DROSHA: variants seen among roughly 807,000 people sequenced by gnomAD.
The protein encoded by DROSHA is ribonuclease 3.
Under a neutral mutation model 181.9 loss-of-function variants are expected in DROSHA, and 56 were observed. The observed-to-expected ratio is 0.31, with a 90% CI of 0.25 to 0.38. The LOEUF (loss-of-function observed/expected upper bound fraction) is 0.38. Ranked by LOEUF, DROSHA falls within the 10% of genes least tolerant of loss-of-function variation. DROSHA has a pLI of 1.00. For missense variants in DROSHA, 1,218 were observed against 1,743.5 expected (o/e 0.70, Z 5.37); for synonymous variants, 524 against 591.2 (o/e 0.89, Z 1.65).
chr5:31,406,995 T>C, intron 33 of DROSHA, 50 bp from the exon 34 acceptor site: 3 of 1,539,122 alleles, frequency 1.9e-6, no homozygotes, highest in Non-Finnish European at 1.8e-6. Context: ...TTATTTGTCA[T>C]GGTTACTATG....
chr5:31,468,104 C>A, intron 17 of DROSHA, 41 bp from the exon 18 acceptor site: 1 of 1,583,666 alleles, frequency 6.3e-7, no homozygotes, highest in South Asian at 1.1e-5. Flanking sequence ...CATAAGAAGT[C>A]TTTATGTATT....
intron 13 of DROSHA, among the ~76,000 whole-genome samples, chr5:31,490,951 G>A (rs1174041239): frequency 2.0e-5 from 3 of 151,832 alleles, no homozygotes; most frequent in Non-Finnish European, 4.4e-5. Flanking sequence ...CTGTCCTTTT[G>A]TTTTATAATG....
chr5:31,445,446 C>A (rs558780287), intron 23 of DROSHA, among the ~76,000 whole-genome samples: 1 of 152,146 alleles, frequency 6.6e-6, no homozygotes, highest in African/African-American at 2.4e-5. Flanking sequence ...CTTTCCAACT[C>A]GTTATATGAG....
At chr5:31,408,165 A>C (rs917996208) in intron 33 of DROSHA, among the ~76,000 whole-genome samples, 1 of 152,126 alleles carries the variant, frequency 6.6e-6, no homozygotes, top group African/African-American at 2.4e-5. Flanking sequence ...TGCCAGTCTA[A>C]TGTTTTTCCT....
intron 30 of DROSHA, 85 bp downstream of exon 30, chr5:31,421,187 A>T: frequency 9.7e-7 from 1 of 1,033,462 alleles, no homozygotes; most frequent in Non-Finnish European, 1.5e-6. Context: ...GTAAGAAATT[A>T]ATTACATAGA....
chr5:31,509,353 A>G (rs1738390156), intron 9 of DROSHA, among the ~76,000 whole-genome samples: 1 of 152,218 alleles, frequency 6.6e-6, no homozygotes, highest in Admixed American at 6.5e-5. Context: ...ATGTCAGATA[A>G]AATGAAAAAC....
chr5:31,509,698 C>G (rs1738436378), intron 9 of DROSHA, among the ~76,000 whole-genome samples: 1 of 152,110 alleles, frequency 6.6e-6, no homozygotes, highest in Admixed American at 6.6e-5. Flanking sequence ...TCTTTTCCCT[C>G]AATAACAGCA....
chr5:31,463,412 G>C (rs1323908103), intron 20 of DROSHA, among the ~76,000 whole-genome samples: 1 of 152,142 alleles, frequency 6.6e-6, no homozygotes, highest in Non-Finnish European at 1.5e-5. Context: ...ACTAAGAAGA[G>C]CTAAGAGTAA....
intron 18 of DROSHA, among the ~76,000 whole-genome samples, chr5:31,466,698 G>A (rs1004441096): frequency 2.0e-5 from 3 of 152,154 alleles, no homozygotes; most frequent in Non-Finnish European, 4.4e-5. Flanking sequence ...GTCAGTTGCT[G>A]AACTACTTAT....
chr5:31,460,870 A>G (rs1748327030), intron 20 of DROSHA, among the ~76,000 whole-genome samples: 1 of 152,100 alleles, frequency 6.6e-6, no homozygotes, highest in Admixed American at 6.5e-5. Flanking sequence ...AAGAAATTAA[A>G]TATCATTGTA....
At position 31,493,455 on chromosome 5, in the gene DROSHA, C is replaced by T. The variant is rs930157239; in HGVS notation, c.1756-162G>A. ...TTTAATTTTACATGAAATTATCCGG[C>T]TTCAGATAGTAAGTATAATATTTAC... On this transcript the variant is annotated intron_variant, in intron 12 of 35. Coordinates refer to ENST00000344624, the MANE Select transcript of DROSHA (RefSeq NM_001382508.1). Among the ~76,000 whole-genome samples the T allele has an allele frequency of 3.3e-5, 5 of 152,120 alleles. No individual in the cohort carries two copies. In the East Asian group the frequency reaches 9.6e-4, roughly 29 times the overall value.
At position 31,449,156 on chromosome 5, in the gene DROSHA, G is replaced by A; in HGVS notation, c.2821+125C>T. ...TCTCAAAAAAAAAAAAAAAGAGTCA[G>A]TAAGCACTAGAATATGAGACGGTGA... On this transcript the variant is annotated intron_variant, in intron 22 of 35. Transcript: ENST00000344624. 20 of 1,221,804 alleles carry A rather than the reference G, an allele frequency of 1.6e-5. 2 individuals are homozygous for A. The South Asian group carries it at 2.9e-4, about 18-fold the overall frequency. 75.7% of individuals were successfully genotyped at this position (1,221,804 alleles called of 1,614,324 possible).
chr5:31,464,465 C>A, intron 19 of DROSHA, 122 bp from the exon 20 acceptor site: 1 of 820,528 alleles, frequency 1.2e-6, no homozygotes, highest in Non-Finnish European at 1.9e-6. Flanking sequence ...GATACTCAAA[C>A]CTCTTCATAC....
chr5:31,424,616 A>AT (rs545960913), intron 27 of DROSHA, 145 bp from the exon 28 acceptor site: 3,216 of 931,448 alleles, frequency 3.5e-3, no homozygotes, highest in Middle Eastern at 4.1e-3. Flanking sequence ...TGGCAAACTA[A>AT]TTTTTTTTTT....
chr5:31,417,651 G>A (rs1742113091), intron 30 of DROSHA, among the ~76,000 whole-genome samples: 1 of 152,182 alleles, frequency 6.6e-6, no homozygotes. Flanking sequence ...AAAGCCATGA[G>A]ACAGAATGAG....
At chr5:31,410,944 T>C in intron 30 of DROSHA, 57 bp from the exon 31 acceptor site, 1 of 1,602,098 alleles carries the variant, frequency 6.2e-7, no homozygotes, top group East Asian at 2.2e-5. Flanking sequence ...ACCTCTCTTA[T>C]TCCTGGGTTG....
In DROSHA at chr5:31,411,014, G is replaced by A; in HGVS notation, c.3526-127C>T. The A allele has an allele frequency of 7.7e-7, 1 of 1,300,754 alleles. No homozygotes were observed. The highest frequency in any genetic ancestry group is 1.1e-6 in the Non-Finnish European group (1 of 943,148). The allele number at this position is 1,300,754 out of a possible 1,614,324, so 80.6% of individuals were successfully genotyped here. On this transcript the variant is annotated intron_variant, in intron 30 of 35. Transcript: ENST00000344624. The surrounding 1 kb of genome is among the most constrained non-coding windows in gnomAD (Gnocchi z 4.2). The stretch of plus-strand genomic sequence containing the variant: ...GACACCAAAATAAGTGAGGTCTATG[G>A]CCTCAACCATCACCCAGATGACAGT...
chr5:31,446,827 G>A (rs1746363298), intron 23 of DROSHA, among the ~76,000 whole-genome samples: 1 of 152,226 alleles, frequency 6.6e-6, no homozygotes, highest in African/African-American at 2.4e-5. Flanking sequence ...ATAACTTGAG[G>A]CCAGGAGTTG....
chr5:31,500,398 A>G (rs1447283181), intron 11 of DROSHA, among the ~76,000 whole-genome samples: 2 of 152,220 alleles, frequency 1.3e-5, no homozygotes, highest in South Asian at 2.1e-4. Flanking sequence ...CACTCAGGAT[A>G]CAACACCACC....
Sources: gnomAD v4.1 joint callset for allele counts (sites outside exome capture counted in the v4.1 genomes callset) on GRCh38, gnomAD v4.1.1 for gene constraint, Gnocchi (gnomAD v3.1) non-coding constraint, MANE v1.5 for transcripts, NCBI Gene and HGNC (gene_info 2026-07-23, HGNC 2026-07-21) for gene names.